Variants in RAB2A observed in about 807,000 individuals in gnomAD.
The protein encoded by RAB2A is RAB2A, member RAS oncogene family, also known as ras-related protein Rab-2A.
Under a neutral mutation model 32.5 loss-of-function variants are expected in RAB2A, and 7 were observed. That is an observed-to-expected ratio of 0.22 (90% CI 0.12 to 0.40). The LOEUF is 0.40. RAB2A is among the 10% of genes least tolerant of loss of function. The pLI, the probability that RAB2A is intolerant of heterozygous loss-of-function variation, is 1.00. For synonymous variants in RAB2A, 79 were observed against 85.2 expected (o/e 0.93, Z 0.40); for missense variants, 108 against 260.7 (o/e 0.41, Z 4.03).
At chr8:60,614,248 T>C (rs573409910) in intron 6 of RAB2A, among the ~76,000 whole-genome samples, 19 of 144,902 alleles carry the variant, frequency 1.3e-4, no homozygotes, top group African/African-American at 4.6e-4. Flanking sequence ...TATCGGTTAG[T>C]GCAGAAAGTT....
chr8:60,539,774 A>G (rs1198743613), intron 1 of RAB2A, among the ~76,000 whole-genome samples: 1 of 152,180 alleles, frequency 6.6e-6, no homozygotes, highest in African/African-American at 2.4e-5. Context: ...ATCATAGGGT[A>G]CAATAACATT....
intron 5 of RAB2A, among the ~76,000 whole-genome samples, chr8:60,586,232 G>C (rs1325622445): frequency 6.6e-6 from 1 of 152,184 alleles, no homozygotes; most frequent in South Asian, 2.1e-4. Flanking sequence ...GCCCAGTTGA[G>C]GCTGCAGTGA....
chr8:60,526,832 G>A (rs1196458156), intron 1 of RAB2A, among the ~76,000 whole-genome samples: 1 of 152,096 alleles, frequency 6.6e-6, no homozygotes, highest in Non-Finnish European at 1.5e-5. Context: ...AGCCAGGCGT[G>A]GCGGCATGCG....
chr8:60,526,073 G>T (rs1807383469), intron 1 of RAB2A, among the ~76,000 whole-genome samples: 1 of 112,922 alleles, frequency 8.9e-6, no homozygotes, highest in Non-Finnish European at 1.8e-5. Context: ...TCTGTTGCTA[G>T]CATAACAAAC....
chr8:60,516,930 G>T, upstream of RAB2A: 1 of 317,876 alleles, frequency 3.1e-6, no homozygotes. Context: ...CGGCGCCGGC[G>T]GCCGCAGAAC....
intron 5 of RAB2A, among the ~76,000 whole-genome samples, chr8:60,586,933 GAAA>G (rs200377607): frequency 4.7e-5 from 3 of 63,920 alleles, no homozygotes; most frequent in Non-Finnish European, 7.7e-5. Flanking sequence ...CTGTCTCCAA[GAAA>G]AAAAAAAAAA....
chr8:60,614,051 G>A (rs935685549), intron 6 of RAB2A, among the ~76,000 whole-genome samples: 4 of 151,968 alleles, frequency 2.6e-5, no homozygotes, highest in African/African-American at 9.7e-5. Flanking sequence ...GTTATGTAAG[G>A]AAGTAATTTA....
intron 1 of RAB2A, among the ~76,000 whole-genome samples, chr8:60,556,250 A>C (rs1412992583): frequency 6.6e-6 from 1 of 152,192 alleles, no homozygotes; most frequent in East Asian, 1.9e-4. Flanking sequence ...TGGTTGGGTA[A>C]TAGGTACAAA....
intron 1 of RAB2A, among the ~76,000 whole-genome samples, chr8:60,548,209 C>T (rs1376870634): frequency 2.0e-4 from 2 of 10,240 alleles, no homozygotes; most frequent in Admixed American, 6.7e-4. Context: ...TAGGGGCGGC[C>T]GGGCAGAGGC....
Position 60,591,980 on chromosome 8 carries a change from G to T in RAB2A, c.474+11G>T. 1 of 1,493,898 alleles carries T rather than the reference G, an allele frequency of 6.7e-7. No individual in the cohort carries two copies. Among genetic ancestry groups the T allele is most frequent in the Non-Finnish European group, 9.2e-7 (1 of 1,086,848 alleles). The allele number at this position is 1,493,898 out of a possible 1,614,324, so 92.5% of individuals were successfully genotyped here. On this transcript the variant is annotated intron_variant, in intron 6 of 7. Transcript: ENST00000262646. ...TCCAATGTAGAAGAGGTAAATAAGAGGCCCTTTAAAATCTTCATCTTTATA... is the reference window on the plus strand; with the variant it reads ...TCCAATGTAGAAGAGGTAAATAAGATGCCCTTTAAAATCTTCATCTTTATA...
At chr8:60,613,512 A>G (rs908342510) in intron 6 of RAB2A, among the ~76,000 whole-genome samples, 2 of 152,200 alleles carry the variant, frequency 1.3e-5, no homozygotes, top group African/African-American at 2.4e-5. Context: ...AAAAAAGCAC[A>G]TATTTCCCAC....
intron 1 of RAB2A, among the ~76,000 whole-genome samples, chr8:60,548,636 G>T (rs1244998562): frequency 4.1e-5 from 6 of 146,150 alleles, no homozygotes; most frequent in Non-Finnish European, 9.1e-5. Context: ...CTGGCCGAGC[G>T]GGGGGCTGAC....
chr8:60,599,907 AT>A (rs1804102329), intron 6 of RAB2A, among the ~76,000 whole-genome samples: 2 of 152,198 alleles, frequency 1.3e-5, no homozygotes. Flanking sequence ...AAAGTGATAA[AT>A]TAGCTTTCAA....
At chr8:60,544,552 C>CTTTT (rs35482452) in intron 1 of RAB2A, among the ~76,000 whole-genome samples, 2 of 114,148 alleles carry the variant, frequency 1.8e-5, no homozygotes, top group South Asian at 3.0e-4. Context: ...TCCCTAGTGC[C>CTTTT]TTTTTTTTTT....
At chr8:60,620,593 A>G in intron 7 of RAB2A, 81 bp from the exon 8 acceptor site, 2 of 1,024,202 alleles carry the variant, frequency 2.0e-6, no homozygotes, top group Non-Finnish European at 3.0e-6. Context: ...ATTGTATCAT[A>G]AAGAATTAAA....
intron 1 of RAB2A, among the ~76,000 whole-genome samples, chr8:60,535,829 C>G (rs1807547965): frequency 6.6e-6 from 1 of 152,142 alleles, no homozygotes; most frequent in Non-Finnish European, 1.5e-5. Context: ...TGTATTGTCT[C>G]TTGATGGTCC....
intron 1 of RAB2A, among the ~76,000 whole-genome samples, chr8:60,549,601 G>A (rs1162122647): frequency 6.6e-6 from 1 of 151,786 alleles, no homozygotes. Context: ...GTCTGTCTAC[G>A]TGGAGAGAAA....
At chr8:60,591,466 T>G (rs146892650) in intron 5 of RAB2A, among the ~76,000 whole-genome samples, 21 of 152,314 alleles carry the variant, frequency 1.4e-4, no homozygotes, top group Middle Eastern at 3.4e-3. Flanking sequence ...TTTAATCACA[T>G]TCATAGAAAC....
chr8:60,560,247 C>T (rs1354880416), intron 2 of RAB2A, among the ~76,000 whole-genome samples: 4 of 152,114 alleles, frequency 2.6e-5, no homozygotes, highest in Non-Finnish European at 5.9e-5. Context: ...ACTACCATGC[C>T]TGGCTAATTT....
Sources: allele counts gnomAD v4.1 joint callset (sites outside exome capture counted in the v4.1 genomes callset), GRCh38; gene constraint gnomAD v4.1.1; transcripts MANE v1.5; gene names NCBI Gene and HGNC (gene_info 2026-07-23, HGNC 2026-07-21).